AMD1: variants seen among roughly 807,000 people sequenced by gnomAD.
The protein encoded by AMD1 is S-adenosylmethionine decarboxylase proenzyme.
In AMD1, 11 loss-of-function variants were observed where a neutral mutation model predicts 40.2. The observed-to-expected ratio is 0.27, with a 90% confidence interval of 0.17 to 0.45. The LOEUF (loss-of-function observed/expected upper bound fraction) is 0.45. Ranked by LOEUF, AMD1 falls within the 20% of genes least tolerant of loss-of-function variation. The probability of loss-of-function intolerance (pLI) is 1.00; values close to 1 mark genes in which losing one functional copy is unlikely to be tolerated. For synonymous variants in AMD1, 121 were observed against 130.8 expected (o/e 0.93, Z 0.51); for missense variants, 257 against 410.2 (o/e 0.63, Z 3.23).
At chr6:110,832,381 A>G in the AMD1 span, among the ~76,000 whole-genome samples, 2 of 149,126 alleles carry the variant, frequency 1.3e-5, no homozygotes, top group East Asian at 2.0e-4. Context: ...AAACTCCTGG[A>G]CTCAAGTAAT....
chr6:110,848,199 T>C, the AMD1 span, among the ~76,000 whole-genome samples: 2 of 152,054 alleles, frequency 1.3e-5, no homozygotes, highest in South Asian at 4.2e-4. Flanking sequence ...CAAGAACTTG[T>C]CTAATGTGAT....
chr6:110,869,170 G>A, the AMD1 span, among the ~76,000 whole-genome samples: 1 of 151,548 alleles, frequency 6.6e-6, no homozygotes, highest in African/African-American at 2.4e-5. Context: ...TCTCTCTGTA[G>A]CCCAGGCTGG....
At chr6:110,867,659 C>T in the AMD1 span, among the ~76,000 whole-genome samples, 4 of 152,116 alleles carry the variant, frequency 2.6e-5, no homozygotes, top group African/African-American at 9.6e-5. Flanking sequence ...GTGAGACTCT[C>T]ACTCAAAACA....
chr6:110,845,595 C>T, the AMD1 span, among the ~76,000 whole-genome samples: 6 of 152,140 alleles, frequency 3.9e-5, no homozygotes, highest in South Asian at 6.2e-4. Flanking sequence ...GAGTTTAATA[C>T]CCTGCTGTTG....
At chr6:110,842,057 C>T in the AMD1 span, among the ~76,000 whole-genome samples, 6 of 152,154 alleles carry the variant, frequency 3.9e-5, no homozygotes, top group African/African-American at 1.4e-4. Context: ...CCCGCCTCAG[C>T]CTCCCAAAGT....
chr6:110,885,651 T>C (rs1051100176), intron 1 of AMD1, among the ~76,000 whole-genome samples: 20 of 152,202 alleles, frequency 1.3e-4, no homozygotes, highest in African/African-American at 4.8e-4. Context: ...TCTTTCCATA[T>C]ATGAACAAAT....
At chr6:110,863,590 G>C in the AMD1 span, among the ~76,000 whole-genome samples, 2 of 149,948 alleles carry the variant, frequency 1.3e-5, no homozygotes, top group Non-Finnish European at 3.0e-5. Flanking sequence ...GGCTGGTCTT[G>C]AACGCCTGAC....
the AMD1 span, chr6:110,815,356 A>ACGGCGG: frequency 2.5e-6 from 1 of 393,502 alleles, no homozygotes; most frequent in Non-Finnish European, 4.4e-6. Flanking sequence ...CTCCTCCGCG[A>ACGGCGG]CGGCGGCGGC....
At chr6:110,870,898 A>T (rs898207316), upstream of AMD1, among the ~76,000 whole-genome samples, 1 of 152,204 alleles carries the variant, frequency 6.6e-6, no homozygotes, top group African/African-American at 2.4e-5. Flanking sequence ...GAGAGAAATA[A>T]ACCTTAATCT....
the AMD1 span, among the ~76,000 whole-genome samples, chr6:110,826,271 CAAAAAAAAAAAA>C: frequency 3.4e-5 from 2 of 59,362 alleles, no homozygotes; most frequent in Admixed American, 2.4e-4. Flanking sequence ...GACACCATCC[CAAAAAAAAAAAA>C]AAAAAAAAAA....
At chr6:110,837,332 A>G in the AMD1 span, among the ~76,000 whole-genome samples, 1 of 151,464 alleles carries the variant, frequency 6.6e-6, no homozygotes, top group African/African-American at 2.4e-5. Flanking sequence ...AAAAAGGAAA[A>G]GTATTTTCTT....
intron 1 of AMD1, among the ~76,000 whole-genome samples, chr6:110,880,067 T>A (rs1295803813): frequency 6.6e-6 from 1 of 152,086 alleles, no homozygotes; most frequent in Non-Finnish European, 1.5e-5. Context: ...ATGATTCTCC[T>A]GCCTCAGCCT....
the AMD1 span, among the ~76,000 whole-genome samples, chr6:110,832,650 T>C: frequency 6.6e-6 from 1 of 152,156 alleles, no homozygotes; most frequent in African/African-American, 2.4e-5. Context: ...TTTGTCTTTA[T>C]TTTTATTTAC....
At chr6:110,862,789 TTCTC>T in the AMD1 span, among the ~76,000 whole-genome samples, 1 of 151,868 alleles carries the variant, frequency 6.6e-6, no homozygotes, top group African/African-American at 2.4e-5. Context: ...TGATTTATCT[TTCTC>T]TCTCTTTAAT....
At chr6:110,825,886 A>G in the AMD1 span, among the ~76,000 whole-genome samples, 2 of 152,168 alleles carry the variant, frequency 1.3e-5, no homozygotes, top group African/African-American at 4.8e-5. Context: ...TCAGACATCT[A>G]GACAGGCACA....
At chr6:110,849,807 C>T in the AMD1 span, among the ~76,000 whole-genome samples, 2 of 151,992 alleles carry the variant, frequency 1.3e-5, no homozygotes, top group Non-Finnish European at 2.9e-5. Flanking sequence ...ATTGCTTGAG[C>T]CCGTGAGTTC....
At chr6:110,819,214 G>A in the AMD1 span, among the ~76,000 whole-genome samples, 1,368 of 152,152 alleles carry the variant, frequency 9.0e-3, 3 homozygotes, top group Non-Finnish European at 0.014. Flanking sequence ...AAAATGAGCC[G>A]GGCGTGGTGG....
chr6:110,890,006 TAA>T (rs1303069530), intron 3 of AMD1: 2 of 374,130 alleles, frequency 5.3e-6, no homozygotes, highest in Non-Finnish European at 9.6e-6. Context: ...CTGGGCTTTT[TAA>T]AAAAAAGAGA....
At chr6:110,814,732 C>T in the AMD1 span, 5 of 621,770 alleles carry the variant, frequency 8.0e-6, no homozygotes, top group Non-Finnish European at 1.5e-5. Flanking sequence ...AACTCGAGTC[C>T]CCCCGCCGTC....
Sources: allele counts gnomAD v4.1 joint callset (sites outside exome capture counted in the v4.1 genomes callset), GRCh38; gene constraint gnomAD v4.1.1; transcripts MANE v1.5; gene names NCBI Gene and HGNC (gene_info 2026-07-23, HGNC 2026-07-21).